Variants in STAC observed in about 807,000 individuals in gnomAD.
The protein encoded by STAC is SH3 and cysteine rich domain.
Under a neutral mutation model 48.8 loss-of-function variants are expected in STAC, and 43 were observed. That is an observed-to-expected ratio of 0.88 (90% confidence interval 0.69 to 1.14). STAC has a LOEUF of 1.14. Among genes scored for constraint, STAC ranks in the 50% most tolerant of loss-of-function variants. The pLI, the probability that STAC is intolerant of heterozygous loss-of-function variation, is 0.00. For missense variants in STAC, 497 were observed against 504.0 expected, an observed-to-expected ratio of 0.99 and a Z score of 0.13; for synonymous variants, 193 against 179.5, an observed-to-expected ratio of 1.07 and a Z score of -0.60.
intron 8 of STAC, among the ~76,000 whole-genome samples, chr3:36,513,562 T>C (rs75033615): frequency 0.031 from 4,691 of 152,314 alleles, 123 homozygotes; most frequent in South Asian, 0.057. Flanking sequence ...TACAGTGTTC[T>C]GGGCTTCATC....
intron 2 of STAC, among the ~76,000 whole-genome samples, chr3:36,447,328 A>G (rs1190908517): frequency 6.6e-6 from 1 of 152,204 alleles, no homozygotes; most frequent in Non-Finnish European, 1.5e-5. Flanking sequence ...AGAATGGTAA[A>G]TAAGATCAAG....
At chr3:36,411,469 C>T (rs1024171668) in intron 1 of STAC, among the ~76,000 whole-genome samples, 1 of 152,198 alleles carries the variant, frequency 6.6e-6, no homozygotes, top group Admixed American at 6.5e-5. Flanking sequence ...CTCAAACACA[C>T]AGAATATATT....
At chr3:36,441,888 A>C (rs961843972) in intron 1 of STAC, among the ~76,000 whole-genome samples, 1 of 152,180 alleles carries the variant, frequency 6.6e-6, no homozygotes, top group African/African-American at 2.4e-5. Flanking sequence ...TCTTCTTTTG[A>C]GAAATGTCTG....
intron 1 of STAC, among the ~76,000 whole-genome samples, chr3:36,387,659 T>A (rs73054118): frequency 6.6e-6 from 1 of 152,258 alleles, no homozygotes; most frequent in East Asian, 1.9e-4. Flanking sequence ...GTGGCATGTA[T>A]CAGAATTCCC....
intron 2 of STAC, among the ~76,000 whole-genome samples, chr3:36,446,061 A>G (rs915372291): frequency 1.3e-4 from 20 of 152,022 alleles, no homozygotes; most frequent in Admixed American, 1.2e-3. Context: ...TCCATTTCTA[A>G]TTTTCTTAGC....
At chr3:36,418,015 C>T (rs533715325) in intron 1 of STAC, among the ~76,000 whole-genome samples, 2 of 152,074 alleles carry the variant, frequency 1.3e-5, no homozygotes, top group Non-Finnish European at 2.9e-5. Context: ...TGTGGTTATA[C>T]CACCTTTCTT....
At chr3:36,493,105 C>T (rs1398472270) in intron 5 of STAC, 46 bp from the exon 6 acceptor site, 1 of 1,574,144 alleles carries the variant, frequency 6.4e-7, no homozygotes, top group Non-Finnish European at 8.7e-7. Context: ...CAATTGACCA[C>T]AGATATAACA....
At chr3:36,535,454 C>T (rs1271642707) in intron 10 of STAC, among the ~76,000 whole-genome samples, 2 of 152,100 alleles carry the variant, frequency 1.3e-5, no homozygotes, top group African/African-American at 2.4e-5. Context: ...TATCTGAATA[C>T]CTGTTGTTTC....
chr3:36,464,362 G>T lies in STAC; in HGVS notation c.389-18630G>T, dbSNP rs150748653. 3.9e-3 allele frequency among the ~76,000 whole-genome samples: 589 copies of T among 152,098 alleles called. 6 individuals carry two copies. The highest frequency in any genetic ancestry group is 0.013 in the African/African-American group (547 of 41,500). On this transcript the variant is annotated intron_variant, in intron 2 of 10. Transcript: ENST00000273183. ...ATATTATTTGCCCACTTTTTGATGG[G>T]GTTGTTTGTTTTTTTCTTGTAAACT...
At chr3:36,522,180 A>G (rs947183772) in intron 8 of STAC, among the ~76,000 whole-genome samples, 5 of 152,228 alleles carry the variant, frequency 3.3e-5, no homozygotes, top group Non-Finnish European at 4.4e-5. Context: ...TATAATTGAG[A>G]TAGCCAATCC....
At chr3:36,531,998 C>T (rs1048906446) in intron 10 of STAC, among the ~76,000 whole-genome samples, 1 of 152,124 alleles carries the variant, frequency 6.6e-6, no homozygotes, top group Non-Finnish European at 1.5e-5. Context: ...AAAAGTAGCA[C>T]AATTTAAAAT....
At chr3:36,429,029 A>AT (rs1700629533) in intron 1 of STAC, among the ~76,000 whole-genome samples, 1 of 152,186 alleles carries the variant, frequency 6.6e-6, no homozygotes, top group African/African-American at 2.4e-5. Flanking sequence ...TGGGATAATG[A>AT]TAACAGAGGT....
At chr3:36,479,435 C>A (rs1160854582) in intron 2 of STAC, among the ~76,000 whole-genome samples, 2 of 152,138 alleles carry the variant, frequency 1.3e-5, no homozygotes, top group African/African-American at 4.8e-5. Context: ...CTATTTCTCC[C>A]AATAACTTTG....
At chr3:36,539,727 CT>C (rs1267811891) in intron 10 of STAC, among the ~76,000 whole-genome samples, 2 of 152,134 alleles carry the variant, frequency 1.3e-5, no homozygotes, top group Non-Finnish European at 2.9e-5. Context: ...CCTTATAACA[CT>C]GAGGCCAAGT....
rs202182022 is a variant in STAC at position 36,504,404 on chromosome 3, C to A, written c.778C>A (p.Pro260Thr). 1 of 1,612,842 alleles carries A rather than the reference C, an allele frequency of 6.2e-7. No homozygotes were observed. The highest frequency in any genetic ancestry group is 1.3e-5 in the African/African-American group (1 of 74,854). ...RKRSNSVFTY[P>T]ENGTDDFRDP... is the part of the protein sequence containing the mutation. ...CTTGTCTCCTTCAGTGTTTACATAT[C>A]CAGAAAATGGCACTGATGATTTCAG... The change falls in exon 7 of 11, where the codon CCA becomes ACA. Residue 260 changes from proline to threonine, a missense_variant. Coordinates refer to ENST00000273183, the MANE Select transcript of STAC (RefSeq NM_003149.3).
intron 2 of STAC, among the ~76,000 whole-genome samples, chr3:36,477,259 G>A (rs911613847): frequency 6.6e-6 from 1 of 152,008 alleles, no homozygotes; most frequent in African/African-American, 2.4e-5. Flanking sequence ...GTACTGTACT[G>A]ATTACATTTC....
intron 8 of STAC, among the ~76,000 whole-genome samples, chr3:36,521,283 G>A (rs991721962): frequency 6.6e-6 from 1 of 152,062 alleles, no homozygotes; most frequent in Non-Finnish European, 1.5e-5. Context: ...GTTTTGACAC[G>A]GCATGGGTGG....
At chr3:36,450,801 A>C (rs1696654815) in intron 2 of STAC, among the ~76,000 whole-genome samples, 2 of 152,320 alleles carry the variant, frequency 1.3e-5, no homozygotes, top group South Asian at 2.1e-4. Flanking sequence ...CCGGGATTAC[A>C]GGTGTGAGCC....
intron 10 of STAC, among the ~76,000 whole-genome samples, chr3:36,535,789 G>C (rs547817264): frequency 1.3e-5 from 2 of 152,264 alleles, no homozygotes; most frequent in Non-Finnish European, 2.9e-5. Flanking sequence ...TGCATATGTT[G>C]AACCAGCCTT....
Sources: allele counts gnomAD v4.1 joint callset (sites outside exome capture counted in the v4.1 genomes callset), GRCh38; gene constraint gnomAD v4.1.1; transcripts MANE v1.5; gene names NCBI Gene and HGNC (gene_info 2026-07-23, HGNC 2026-07-21).